SH3BP2: variants seen among roughly 807,000 people sequenced by gnomAD.
The protein encoded by SH3BP2 is SH3 domain-binding protein 2.
Under a neutral mutation model 56.2 loss-of-function variants are expected in SH3BP2, and 38 were observed. That is an observed-to-expected ratio of 0.68 (90% confidence interval 0.52 to 0.89). The LOEUF is 0.89. SH3BP2 is among the 40% of genes least tolerant of loss of function. The pLI, the probability that SH3BP2 is intolerant of heterozygous loss-of-function variation, is 0.00. For synonymous variants in SH3BP2, 346 were observed against 316.7 expected (o/e 1.09, Z -0.98); for missense variants, 748 against 762.6 (o/e 0.98, Z 0.23).
Position 2,827,619 on chromosome 4 carries a change from CGAT to C in SH3BP2, c.534_536del (p.Asp178del). 1 of 1,597,510 alleles carries C rather than the reference CGAT, an allele frequency of 6.3e-7. No individual in the cohort carries two copies. Among genetic ancestry groups the C allele is most frequent in the East Asian group, 2.3e-5 (1 of 44,094 alleles). Reference sequence around the variant, plus strand: ...CTCCCCATGCAGACTATGAGCACGACGATGAGGATGACTCCTACCTGGAGCCTG... The same window carrying C: ...CTCCCCATGCAGACTATGAGCACGACGAGGATGACTCCTACCTGGAGCCTG... On this transcript the variant is annotated inframe_deletion, in exon 7 of 13. Transcript: ENST00000503393.
chr4:2,804,746 G>C (rs1723461604), intron 1 of SH3BP2, among the ~76,000 whole-genome samples: 1 of 152,234 alleles, frequency 6.6e-6, no homozygotes, highest in Non-Finnish European at 1.5e-5. Flanking sequence ...CCCAGAGCCA[G>C]GCTCAGCAGG....
intron 3 of SH3BP2, among the ~76,000 whole-genome samples, 193 bp from the exon 4 acceptor site, chr4:2,824,420 C>T (rs1445155123): frequency 6.6e-6 from 1 of 152,140 alleles, no homozygotes; most frequent in Non-Finnish European, 1.5e-5. Context: ...TCTTCCATGC[C>T]CCTCCATGCC....
chr4:2,827,041 G>C lies in SH3BP2; in HGVS notation c.429-189G>C, dbSNP rs912570808. 7 of 690,634 alleles carry C rather than the reference G, an allele frequency of 1.0e-5. No individual in the cohort carries two copies. The African/African-American group carries it at 1.1e-4, about 10-fold the overall frequency. 42.8% of individuals were successfully genotyped at this position (690,634 alleles called of 1,614,324 possible). A position where few individuals can be genotyped will look rare whatever the true frequency, so the allele number is the denominator to read the frequency against. ...CATGTGTGCATGTGTGTGTCTGTCAGCGTATCCGTGTGTGCATGTGTGTGT... is the reference window on the plus strand; with the variant it reads ...CATGTGTGCATGTGTGTGTCTGTCACCGTATCCGTGTGTGCATGTGTGTGT... On this transcript the variant is annotated intron_variant, in intron 5 of 12. Coordinates refer to ENST00000503393, the MANE Select transcript of SH3BP2 (RefSeq NM_001122681.2).
chr4:2,823,712 T>C (rs892549973), intron 3 of SH3BP2: 4 of 351,800 alleles, frequency 1.1e-5, no homozygotes, highest in African/African-American at 8.6e-5. Flanking sequence ...CCCCACAGCA[T>C]TTATCTATGC....
chr4:2,817,091 G>A (rs779887464), intron 1 of SH3BP2, among the ~76,000 whole-genome samples: 24 of 152,256 alleles, frequency 1.6e-4, no homozygotes, highest in Non-Finnish European at 2.9e-4. Context: ...GTGCTTGCTC[G>A]ATTCAGGTAA....
At chr4:2,832,737 C>T (rs1180463397) in intron 11 of SH3BP2, among the ~76,000 whole-genome samples, 1 of 152,240 alleles carries the variant, frequency 6.6e-6, no homozygotes, top group African/African-American at 2.4e-5. Flanking sequence ...TGTGACCTCA[C>T]TGAGCCATGC....
At chr4:2,802,404 A>ATATGTGTGTG (rs1265150804) in intron 1 of SH3BP2, among the ~76,000 whole-genome samples, 15 of 135,976 alleles carry the variant, frequency 1.1e-4, no homozygotes, top group Admixed American at 9.8e-4. Context: ...AAAAAAATAT[A>ATATGTGTGTG]TGTGTGTGTG....
In SH3BP2 at chr4:2,793,119, G is replaced by A. The variant is rs1490961873; in HGVS notation, c.-24G>A. On this transcript the variant is annotated 5_prime_UTR_variant, in exon 1 of 13. Transcript: ENST00000503393. ...CGCCGCCTCGACCCAGGGCCCGCGGGCCAGGAGAGCGCTCGGCGGGTAAGC... is the reference window on the plus strand; with the variant it reads ...CGCCGCCTCGACCCAGGGCCCGCGGACCAGGAGAGCGCTCGGCGGGTAAGC... The A allele has an allele frequency of 6.6e-6, 1 of 150,696 alleles. No individual in the cohort carries two copies. Among genetic ancestry groups the A allele is most frequent in the Non-Finnish European group, 1.5e-5 (1 of 67,274 alleles). 9.3% of individuals were successfully genotyped at this position (150,696 alleles called of 1,614,324 possible). A position where few individuals can be genotyped will look rare whatever the true frequency, so the allele number is the denominator to read the frequency against.
At chr4:2,806,941 C>A (rs934680767) in intron 1 of SH3BP2, among the ~76,000 whole-genome samples, 1 of 152,272 alleles carries the variant, frequency 6.6e-6, no homozygotes, top group Admixed American at 6.5e-5. Context: ...AGGTGCCATG[C>A]AGGCAGCTGT....
chr4:2,825,819 G>A (rs1724585332), intron 5 of SH3BP2, among the ~76,000 whole-genome samples: 1 of 152,256 alleles, frequency 6.6e-6, no homozygotes, highest in African/African-American at 2.4e-5. Context: ...AGTGAGACCA[G>A]AATGATTCTC....
Position 2,820,742 on chromosome 4 carries a change from A to G in SH3BP2, c.125A>G (p.Gln42Arg). Reference protein sequence around the residue: ...YLHKKGGTQLQLLKWPLRFVI... With the variant: ...YLHKKGGTQLRLLKWPLRFVI... ...CACAAGAAGGGCGGTACCCAGCTGC[A>G]GCTGCTGAAATGTGAGTCCCTGGGG... The change falls in exon 2 of 13, where the codon CAG becomes CGG. Residue 42 changes from glutamine to arginine, a missense_variant. By Grantham distance (43) the Gln-to-Arg change is conservative. Transcript: ENST00000503393. The G allele has an allele frequency of 6.2e-7, 1 of 1,613,644 alleles. No homozygotes were observed. The highest frequency in any genetic ancestry group is 1.7e-4 in the Middle Eastern group (1 of 6,058).
rs900881232 is a variant in SH3BP2, at chr4:2,835,711, G to C, written c.*1877G>C. ...GTGATCTCCGCTCACTGCCACCTCC[G>C]CCTCTCTAGTTCAAGCGATTTTCCT... On this transcript the variant is annotated 3_prime_UTR_variant, in exon 13 of 13. Transcript: ENST00000503393. The C allele has an allele frequency of 6.6e-6, 1 of 152,138 alleles. No individual in the cohort carries two copies. Among genetic ancestry groups the C allele is most frequent in the Non-Finnish European group, 1.5e-5 (1 of 68,042 alleles). 9.4% of individuals were successfully genotyped at this position (152,138 alleles called of 1,614,324 possible).
chr4:2,834,049 C>T lies in SH3BP2; in HGVS notation c.*215C>T. 1.7e-6 allele frequency: 1 copy of T among 595,448 alleles called. No individual in the cohort carries two copies. The highest frequency in any genetic ancestry group is 3.0e-6 in the Non-Finnish European group (1 of 338,392). 36.9% of individuals were successfully genotyped at this position (595,448 alleles called of 1,614,324 possible). ...CGCCAGGCTCCAGAGGACGAAGGGA[C>T]TCTGTTGCCCCACACTAACTTGCCC... On this transcript the variant is annotated 3_prime_UTR_variant, in exon 13 of 13. Transcript: ENST00000503393.
In SH3BP2 at chr4:2,820,733, C is replaced by G. The variant is rs549780497; in HGVS notation, c.116C>G (p.Thr39Ser). 6.2e-7 allele frequency: 1 copy of G among 1,613,870 alleles called. No individual in the cohort carries two copies. Among genetic ancestry groups the G allele is most frequent in the South Asian group, 1.1e-5 (1 of 91,080 alleles). The change falls in exon 2 of 13, where the codon ACC becomes AGC. Residue 39 changes from threonine to serine, a missense_variant. Thr to Ser is a moderately conservative substitution (Grantham distance 58). Coordinates refer to ENST00000503393, the MANE Select transcript of SH3BP2 (RefSeq NM_001122681.2). ...GGCTACCTGCACAAGAAGGGCGGTA[C>G]CCAGCTGCAGCTGCTGAAATGTGAG... Reference protein sequence around the residue: ...KAGYLHKKGGTQLQLLKWPLR... With the variant: ...KAGYLHKKGGSQLQLLKWPLR...
intron 12 of SH3BP2, 118 bp from the exon 13 acceptor site, chr4:2,833,579 G>A (rs948207544): frequency 3.6e-6 from 5 of 1,374,576 alleles, no homozygotes; most frequent in African/African-American, 1.4e-5. Context: ...ACAGCCAGGG[G>A]CCAGCCTGGT....
At chr4:2,798,091 C>T (rs1291962928) in intron 1 of SH3BP2, among the ~76,000 whole-genome samples, 3 of 152,128 alleles carry the variant, frequency 2.0e-5, no homozygotes, top group South Asian at 2.1e-4. Context: ...TGACAGCCAC[C>T]GCTGCCTGCC....
intron 1 of SH3BP2, among the ~76,000 whole-genome samples, chr4:2,803,459 G>A (rs1028592825): frequency 6.6e-6 from 1 of 152,210 alleles, no homozygotes; most frequent in Non-Finnish European, 1.5e-5. Context: ...GAGCTGTCTG[G>A]TTTGGTCCTC....
chr4:2,805,841 C>T (rs554786628), intron 1 of SH3BP2, among the ~76,000 whole-genome samples: 25 of 152,116 alleles, frequency 1.6e-4, no homozygotes, highest in Non-Finnish European at 3.1e-4. Context: ...GAGAGGGTGG[C>T]GTTCCAGGTG....
chr4:2,818,976 C>T lies in SH3BP2; in HGVS notation c.-4-1638C>T, dbSNP rs78035476. On this transcript the variant is annotated intron_variant, in intron 1 of 12. Transcript: ENST00000503393. ...TTAATTTTAGCTCCAGCTCAGTTGC[C>T]CAGACTGGAGAGCAGTGGCCAATCA... is the stretch of plus-strand genomic sequence containing the variant. 0.027 allele frequency: 23,426 copies of T among 879,210 alleles called. 367 individuals are homozygous for T. Among genetic ancestry groups the T allele is most frequent in the Admixed American group, 0.051 (824 of 16,170 alleles). 54.5% of individuals were successfully genotyped at this position (879,210 alleles called of 1,614,324 possible).
Sources: allele counts gnomAD v4.1 joint callset (sites outside exome capture counted in the v4.1 genomes callset), GRCh38; gene constraint gnomAD v4.1.1; transcripts MANE v1.5; gene names NCBI Gene and HGNC (gene_info 2026-07-23, HGNC 2026-07-21).